Variants in UVRAG observed in about 807,000 individuals in gnomAD.
UVRAG encodes UV radiation resistance associated.
Under a neutral mutation model 78.0 loss-of-function variants are expected in UVRAG, and 19 were observed. The observed-to-expected ratio is 0.24, with a 90% CI of 0.17 to 0.36. UVRAG has a LOEUF of 0.36. Ranked by LOEUF, UVRAG falls within the 10% of genes least tolerant of loss-of-function variation. The pLI is 1.00. For missense variants in UVRAG, 740 were observed against 853.8 expected, an observed-to-expected ratio of 0.87 and a Z score of 1.66; for synonymous variants, 323 against 324.6, an observed-to-expected ratio of 1.00 and a Z score of 0.05.
intron 13 of UVRAG, among the ~76,000 whole-genome samples, chr11:76,100,903 TC>T (rs1951869133): frequency 6.6e-6 from 1 of 152,168 alleles, no homozygotes; most frequent in Non-Finnish European, 1.5e-5. Flanking sequence ...GATAATGATC[TC>T]CAGCTCCATT....
At chr11:75,974,271 T>A (rs544131861) in intron 7 of UVRAG, among the ~76,000 whole-genome samples, 6 of 152,134 alleles carry the variant, frequency 3.9e-5, no homozygotes, top group Non-Finnish European at 5.9e-5. Context: ...TGGTATCTCA[T>A]TGTGGTTTTG....
chr11:75,862,095 TAAAAA>T (rs1224378610), intron 3 of UVRAG, among the ~76,000 whole-genome samples: 1 of 151,820 alleles, frequency 6.6e-6, no homozygotes, highest in African/African-American at 2.4e-5. Context: ...AATAATAAAA[TAAAAA>T]AAGAAAAAAA....
chr11:75,892,027 G>A (rs1008086449), intron 5 of UVRAG, among the ~76,000 whole-genome samples: 4 of 152,330 alleles, frequency 2.6e-5, no homozygotes, highest in African/African-American at 9.6e-5. Flanking sequence ...AGAGTTTGCT[G>A]TGACTAAAAG....
intron 6 of UVRAG, among the ~76,000 whole-genome samples, chr11:75,949,443 C>A (rs1948641959): frequency 6.6e-6 from 1 of 151,902 alleles, no homozygotes; most frequent in Non-Finnish European, 1.5e-5. Context: ...TAATGACTGC[C>A]ACATTTTTAT....
chr11:75,821,284 C>T (rs1040351580), intron 1 of UVRAG, among the ~76,000 whole-genome samples: 11 of 152,206 alleles, frequency 7.2e-5, no homozygotes, highest in South Asian at 2.1e-4. Flanking sequence ...GATGGTATTC[C>T]GTTGTATGTA....
At chr11:76,040,122 G>A (rs1406899055) in intron 12 of UVRAG, among the ~76,000 whole-genome samples, 1 of 151,352 alleles carries the variant, frequency 6.6e-6, no homozygotes, top group Non-Finnish European at 1.5e-5. Context: ...TTTTTTCCCT[G>A]GGCATTATCA....
chr11:75,880,404 G>C (rs985812697), intron 4 of UVRAG, among the ~76,000 whole-genome samples: 1 of 152,134 alleles, frequency 6.6e-6, no homozygotes, highest in African/African-American at 2.4e-5. Context: ...GGAATATCAC[G>C]TTAAATACCT....
At chr11:75,936,848 C>T (rs1948382938) in intron 6 of UVRAG, among the ~76,000 whole-genome samples, 1 of 152,062 alleles carries the variant, frequency 6.6e-6, no homozygotes, top group East Asian at 1.9e-4. Context: ...GATCACAGCT[C>T]CTCAAACTCA....
chr11:76,137,914 A>AT lies in UVRAG; in HGVS notation c.1398-2788dup, dbSNP rs1014670162. ...AGAGTGAGACTTTGTCTCTAAAAAA[A>AT]TTTTTTTTTAAATTAAAAAATAAAA... is the stretch of plus-strand genomic sequence containing the variant. On this transcript the variant is annotated intron_variant, in intron 14 of 14. Coordinates refer to ENST00000356136, the MANE Select transcript of UVRAG (RefSeq NM_003369.4). Among the ~76,000 whole-genome samples the AT allele has an allele frequency of 2.5e-4, 38 of 151,892 alleles. No homozygotes were observed. The South Asian group carries it at 5.6e-3, about 22-fold the overall frequency.
chr11:75,968,686 G>A (rs1267212094), intron 7 of UVRAG, among the ~76,000 whole-genome samples: 1 of 152,156 alleles, frequency 6.6e-6, no homozygotes. Context: ...CTCCTAGCCA[G>A]GCATATCCCT....
chr11:75,994,468 T>C (rs1949668872), intron 8 of UVRAG, among the ~76,000 whole-genome samples: 1 of 152,200 alleles, frequency 6.6e-6, no homozygotes, highest in Non-Finnish European at 1.5e-5. Context: ...AATTCTGTGC[T>C]TTTCTCAGTA....
chr11:76,074,715 C>T (rs1217118367), intron 13 of UVRAG, among the ~76,000 whole-genome samples: 1 of 152,188 alleles, frequency 6.6e-6, no homozygotes, highest in Non-Finnish European at 1.5e-5. Flanking sequence ...TTATATCCTA[C>T]TAACATTATT....
intron 13 of UVRAG, among the ~76,000 whole-genome samples, chr11:76,094,119 G>T (rs1951748788): frequency 6.6e-6 from 1 of 152,166 alleles, no homozygotes; most frequent in Admixed American, 6.5e-5. Flanking sequence ...AGATAATCAT[G>T]TGGTTTTTGT....
At chr11:75,844,666 CTCTTT>C (rs751202826) in intron 1 of UVRAG, among the ~76,000 whole-genome samples, 18 of 143,782 alleles carry the variant, frequency 1.3e-4, no homozygotes, top group East Asian at 7.8e-4. Flanking sequence ...GCAGATGTTT[CTCTTT>C]TCTTTTCTTT....
intron 13 of UVRAG, among the ~76,000 whole-genome samples, chr11:76,104,134 C>G (rs1464990002): frequency 6.6e-6 from 1 of 152,176 alleles, no homozygotes; most frequent in Non-Finnish European, 1.5e-5. Flanking sequence ...TCAGGCAACT[C>G]CTTCCACCTT....
intron 1 of UVRAG, among the ~76,000 whole-genome samples, chr11:75,827,634 A>C (rs1945544931): frequency 6.6e-6 from 1 of 151,958 alleles, no homozygotes; most frequent in South Asian, 2.1e-4. Flanking sequence ...ACAAACAAAC[A>C]AAAAACTAAT....
chr11:75,958,746 T>G (rs1948854170), intron 6 of UVRAG, among the ~76,000 whole-genome samples: 1 of 152,228 alleles, frequency 6.6e-6, no homozygotes, highest in African/African-American at 2.4e-5. Flanking sequence ...TGTTTTCCAT[T>G]GATTTTGCCC....
intron 1 of UVRAG, among the ~76,000 whole-genome samples, chr11:75,828,801 A>ATTT (rs1354813765): frequency 7.7e-4 from 58 of 74,908 alleles, no homozygotes; most frequent in Non-Finnish European, 1.1e-3. Flanking sequence ...ATATATATAT[A>ATTT]TATATTTTTT....
chr11:76,092,399 T>C (rs897863615), intron 13 of UVRAG, among the ~76,000 whole-genome samples: 9 of 152,214 alleles, frequency 5.9e-5, no homozygotes, highest in Admixed American at 2.0e-4. Context: ...TCTAGATCCT[T>C]GAGGAATCGC....
Sources: allele counts gnomAD v4.1 joint callset (sites outside exome capture counted in the v4.1 genomes callset), GRCh38; gene constraint gnomAD v4.1.1; transcripts MANE v1.5; gene names NCBI Gene and HGNC (gene_info 2026-07-23, HGNC 2026-07-21).